ATXN7L1: variants seen among roughly 807,000 people sequenced by gnomAD.
ATXN7L1 encodes ataxin 7 like 1.
Under a neutral mutation model 70.8 loss-of-function variants are expected in ATXN7L1, and 15 were observed. That is an observed-to-expected ratio of 0.21 (90% CI 0.14 to 0.33). ATXN7L1 has a LOEUF of 0.33. Ranked by LOEUF, ATXN7L1 falls within the 10% of genes least tolerant of loss-of-function variation. The pLI is 1.00. For synonymous variants in ATXN7L1, 440 were observed against 445.1 expected, an observed-to-expected ratio of 0.99 and a Z score of 0.14; for missense variants, 975 against 1,097.1, an observed-to-expected ratio of 0.89 and a Z score of 1.57.
At chr7:105,694,545 C>T (rs754096186) in intron 3 of ATXN7L1, among the ~76,000 whole-genome samples, 15 of 152,200 alleles carry the variant, frequency 9.9e-5, no homozygotes, top group Non-Finnish European at 1.6e-4. Flanking sequence ...CTGTGACTTT[C>T]CCAAGTTACA....
chr7:105,796,168 T>A (rs1805962829), intron 2 of ATXN7L1, among the ~76,000 whole-genome samples: 1 of 152,098 alleles, frequency 6.6e-6, no homozygotes, highest in South Asian at 2.1e-4. Context: ...ATTGAGACCA[T>A]CTTGGCTAAC....
At chr7:105,807,828 G>A (rs1807842602) in intron 2 of ATXN7L1, among the ~76,000 whole-genome samples, 2 of 152,172 alleles carry the variant, frequency 1.3e-5, no homozygotes, top group African/African-American at 4.8e-5. Flanking sequence ...CCTGGGCTGC[G>A]CTATCCGCAC....
intron 3 of ATXN7L1, among the ~76,000 whole-genome samples, chr7:105,778,558 T>C (rs920771684): frequency 6.7e-6 from 1 of 149,302 alleles, no homozygotes; most frequent in Non-Finnish European, 1.5e-5. Flanking sequence ...AATCCTAAAG[T>C]TATGAAGATC....
intron 3 of ATXN7L1, among the ~76,000 whole-genome samples, chr7:105,740,611 C>T (rs755473014): frequency 2.6e-5 from 4 of 151,826 alleles, no homozygotes; most frequent in Non-Finnish European, 4.4e-5. Context: ...GGCAGGGTGA[C>T]GTAACACAAG....
chr7:105,693,036 C>T (rs911583555), intron 3 of ATXN7L1, among the ~76,000 whole-genome samples: 6 of 152,122 alleles, frequency 3.9e-5, no homozygotes, highest in Admixed American at 3.9e-4. Flanking sequence ...TCTTAAATTG[C>T]TTATTTTAAC....
intron 2 of ATXN7L1, among the ~76,000 whole-genome samples, chr7:105,870,201 C>T (rs1818046932): frequency 6.6e-6 from 1 of 150,664 alleles, no homozygotes; most frequent in Non-Finnish European, 1.5e-5. Flanking sequence ...AGAATCACTT[C>T]AACCTGGGAG....
chr7:105,746,072 C>T (rs150104552), intron 3 of ATXN7L1, among the ~76,000 whole-genome samples: 7 of 152,286 alleles, frequency 4.6e-5, no homozygotes, highest in African/African-American at 1.7e-4. Flanking sequence ...CTGTTGTTCT[C>T]TCACACTCCA....
intron 3 of ATXN7L1, among the ~76,000 whole-genome samples, chr7:105,711,994 T>C (rs1049759120): frequency 6.6e-6 from 1 of 152,262 alleles, no homozygotes; most frequent in Non-Finnish European, 1.5e-5. Flanking sequence ...AAACTTCAAC[T>C]CTTGCCTTCT....
intron 2 of ATXN7L1, among the ~76,000 whole-genome samples, chr7:105,873,981 T>C (rs1054384023): frequency 6.6e-6 from 1 of 151,844 alleles, no homozygotes; most frequent in Non-Finnish European, 1.5e-5. Flanking sequence ...AAAAATTAAC[T>C]GGGTGTGGTG....
chr7:105,764,594 C>CATAAGCTTATGA (rs1801000735), intron 3 of ATXN7L1, among the ~76,000 whole-genome samples: 1 of 152,104 alleles, frequency 6.6e-6, no homozygotes, highest in Non-Finnish European at 1.5e-5. Flanking sequence ...GACTGAATAC[C>CATAAGCTTATGA]CACTATTTGT....
At chr7:105,727,262 G>A (rs1032996895) in intron 3 of ATXN7L1, among the ~76,000 whole-genome samples, 1 of 152,098 alleles carries the variant, frequency 6.6e-6, no homozygotes, top group Non-Finnish European at 1.5e-5. Flanking sequence ...TTCATTCTAT[G>A]GAATATTACT....
chr7:105,638,605 T>A lies in ATXN7L1; in HGVS notation c.950A>T (p.His317Leu). The A allele has an allele frequency of 6.4e-7, 1 of 1,551,324 alleles. No homozygotes were observed. Among genetic ancestry groups the A allele is most frequent in the Non-Finnish European group, 8.7e-7 (1 of 1,146,788 alleles). ...PCTRSLTCKT[H>L]SLSHRRAVPG... ...GACTGCCCTCCGATGGCTTAGCGAA[T>A]GTGTCTAAGGAGAAGAGAAATGAAA... Residue 317 changes from histidine to leucine, a missense_variant, in exon 7 of 12, where the codon CAT becomes CTT. By Grantham distance (99) the His-to-Leu change is moderately conservative. Transcript: ENST00000419735.
At chr7:105,694,923 C>T (rs1324190849) in intron 3 of ATXN7L1, among the ~76,000 whole-genome samples, 2 of 152,162 alleles carry the variant, frequency 1.3e-5, no homozygotes, top group South Asian at 2.1e-4. Context: ...AAGGCTGAGG[C>T]GGTGGATTGC....
At chr7:105,801,716 G>C (rs1806847922) in intron 2 of ATXN7L1, among the ~76,000 whole-genome samples, 1 of 152,198 alleles carries the variant, frequency 6.6e-6, no homozygotes, top group African/African-American at 2.4e-5. Context: ...GAGCTCAGTG[G>C]TGTGCTGGAG....
intron 3 of ATXN7L1, among the ~76,000 whole-genome samples, chr7:105,703,419 G>A (rs1228131334): frequency 6.6e-6 from 1 of 152,046 alleles, no homozygotes; most frequent in African/African-American, 2.4e-5. Context: ...ACAAAGTCTA[G>A]ATTGGGCAAC....
chr7:105,813,509 G>A (rs1808741408), intron 2 of ATXN7L1, among the ~76,000 whole-genome samples: 1 of 151,910 alleles, frequency 6.6e-6, no homozygotes, highest in African/African-American at 2.4e-5. Context: ...AGCTAATTTT[G>A]TATTTTTAGT....
At chr7:105,842,767 G>C (rs765680872) in intron 2 of ATXN7L1, among the ~76,000 whole-genome samples, 1 of 152,170 alleles carries the variant, frequency 6.6e-6, no homozygotes, top group African/African-American at 2.4e-5. Context: ...AGGAACTGCC[G>C]AACTGCTTTC....
intron 4 of ATXN7L1, among the ~76,000 whole-genome samples, chr7:105,645,859 T>C (rs986255528): frequency 6.7e-6 from 1 of 149,470 alleles, no homozygotes; most frequent in African/African-American, 2.5e-5. Context: ...AAACAGAAAT[T>C]AGCCAGGGGT....
rs113674803 is a variant in ATXN7L1, at chr7:105,738,611, C to T, written c.355+49993G>A. On this transcript the variant is annotated intron_variant, in intron 3 of 11. Transcript: ENST00000419735. ...CCTATTTTGTAATTGGGGAAATTGA[C>T]GATCAATGATTTTTCCAAGACTACA... Among the ~76,000 whole-genome samples the T allele has an allele frequency of 4.5e-3, 684 of 152,128 alleles. 4 individuals are homozygous for T. The highest frequency in any genetic ancestry group is 7.6e-3 in the Non-Finnish European group (517 of 67,994).
Sources: gnomAD v4.1 joint callset for allele counts (sites outside exome capture counted in the v4.1 genomes callset) on GRCh38, gnomAD v4.1.1 for gene constraint, MANE v1.5 for transcripts, NCBI Gene and HGNC (gene_info 2026-07-23, HGNC 2026-07-21) for gene names.